MYO9A: variants seen among roughly 807,000 people sequenced by gnomAD.
MYO9A encodes unconventional myosin-IXa.
In MYO9A, 103 loss-of-function variants were observed where a neutral mutation model predicts 293.3. That is an observed-to-expected ratio of 0.35 (90% confidence interval 0.30 to 0.41). The LOEUF is 0.41. Ranked by LOEUF, MYO9A falls within the 10% of genes least tolerant of loss-of-function variation. The pLI is 1.00. For synonymous variants in MYO9A, 1,001 were observed against 1,035.7 expected (o/e 0.97, Z 0.64); for missense variants, 2,685 against 3,033.0 (o/e 0.89, Z 2.69).
chr15:71,874,384 A>G (rs2056615774), intron 32 of MYO9A, among the ~76,000 whole-genome samples: 1 of 152,146 alleles, frequency 6.6e-6, no homozygotes, highest in African/African-American at 2.4e-5. Context: ...GAGGAGGGGA[A>G]GTGGGAAGTG....
Position 71,875,792 on chromosome 15 carries a change from A to G in MYO9A, c.5978T>C (p.Leu1993Ser). 1 of 1,360,634 alleles carries G rather than the reference A, an allele frequency of 7.3e-7. No homozygotes were observed. Among genetic ancestry groups the G allele is most frequent in the Non-Finnish European group, 9.6e-7 (1 of 1,044,092 alleles). The allele number at this position is 1,360,634 out of a possible 1,614,324, so 84.3% of individuals were successfully genotyped here. Residue 1993 changes from leucine to serine, a missense_variant and splice_region_variant, in exon 32 of 42, where the codon TTG (leucine) becomes TCG (serine). Leu to Ser is a moderately radical substitution (Grantham distance 145). Transcript: ENST00000356056. The stretch of plus-strand genomic sequence containing the variant: ...TTTAAAAAACAGATTATAACTTACC[A>G]AATCAGTTTCCTTTTTCCTTCTTTT... ...RKKRRKKETD[L>S]VEEHNGHIFK...
At chr15:71,940,770 A>C (rs1012881191) in intron 15 of MYO9A, among the ~76,000 whole-genome samples, 1 of 152,184 alleles carries the variant, frequency 6.6e-6, no homozygotes, top group Non-Finnish European at 1.5e-5. Flanking sequence ...TCCTAAAATT[A>C]ACATGGAAAT....
chr15:71,943,492 T>C (rs992973315), intron 15 of MYO9A, among the ~76,000 whole-genome samples: 34 of 152,104 alleles, frequency 2.2e-4, no homozygotes, highest in Non-Finnish European at 1.5e-4. Context: ...GGCATTTACT[T>C]GTAACTTGTA....
chr15:71,998,333 T>C (rs2076759919), intron 9 of MYO9A, among the ~76,000 whole-genome samples: 1 of 152,096 alleles, frequency 6.6e-6, no homozygotes, highest in South Asian at 2.1e-4. Context: ...TCAGGAAAAG[T>C]AACTAACGGG....
chr15:71,935,425 C>T lies in MYO9A; in HGVS notation c.2438G>A (p.Ser813Asn), dbSNP rs1448520874. The T allele has an allele frequency of 6.2e-7, 1 of 1,613,746 alleles. No individual in the cohort carries two copies. Among genetic ancestry groups the T allele is most frequent in the East Asian group, 2.2e-5 (1 of 44,856 alleles). ...RTGIRQSRLS[S>N]GTSLLDKDGI... The stretch of plus-strand genomic sequence containing the variant: ...ATCTTTATCAAGCAAGGAGGTGCCA[C>T]TTGATAGTCTGCTCTGGCGAATCCC... Residue 813 changes from serine to asparagine, a missense_variant, in exon 17 of 42, where the codon AGT becomes AAT. By Grantham distance (46) the Ser-to-Asn change is conservative. Around this residue, in one of 10 missense-constraint regions of MYO9A, gnomAD observed 1,434 missense variants for 1,497.7 expected, o/e 0.96. Coordinates refer to ENST00000356056, the MANE Select transcript of MYO9A (RefSeq NM_006901.4).
chr15:72,118,435 G>A (rs923374105), upstream of MYO9A: 1 of 153,432 alleles, frequency 6.5e-6, no homozygotes, highest in Non-Finnish European at 1.5e-5. Context: ...GGTGCCTGAA[G>A]GCTGGTTGGG....
intron 1 of MYO9A, among the ~76,000 whole-genome samples, chr15:72,104,241 T>C (rs1380683527): frequency 6.6e-6 from 1 of 152,206 alleles, no homozygotes; most frequent in South Asian, 2.1e-4. Context: ...TGTCCAACTG[T>C]AGGCTAATGT....
chr15:72,115,988 G>T (rs1217095220), intron 1 of MYO9A, among the ~76,000 whole-genome samples: 1 of 152,258 alleles, frequency 6.6e-6, no homozygotes, highest in South Asian at 2.1e-4. Context: ...GTTAAGAAAT[G>T]ACCTCTAGGA....
At chr15:72,016,298 A>C (rs1176220231) in intron 6 of MYO9A, among the ~76,000 whole-genome samples, 1 of 152,130 alleles carries the variant, frequency 6.6e-6, no homozygotes, top group East Asian at 1.9e-4. Context: ...AAAATCTTAT[A>C]AATAACAGGG....
At chr15:71,893,502 T>A (rs1416149980) in intron 26 of MYO9A, 177 bp downstream of exon 26, 1 of 620,434 alleles carries the variant, frequency 1.6e-6, no homozygotes, top group Non-Finnish European at 2.7e-6. Flanking sequence ...TTAGGCACCA[T>A]TCCCTGCCTG....
At chr15:72,074,145 G>A (rs1353377325) in intron 1 of MYO9A, among the ~76,000 whole-genome samples, 2 of 152,234 alleles carry the variant, frequency 1.3e-5, no homozygotes, top group Admixed American at 6.5e-5. Context: ...AGGTATTAAT[G>A]TGTGATAATA....
At position 71,826,848 on chromosome 15, in the gene MYO9A, T is replaced by C. The variant is rs763875201; in HGVS notation, c.7379A>G (p.Tyr2460Cys). Residue 2460 changes from tyrosine (Y) to cysteine (C), a missense_variant, in exon 42 of 42, where the codon TAC (tyrosine) becomes TGC (cysteine). Physicochemically the swap from Tyr to Cys is radical, Grantham distance 194. Coordinates refer to ENST00000356056, the MANE Select transcript of MYO9A (RefSeq NM_006901.4). ...LFQIYSKSPFYRAASGNEALG... is the reference protein window; with the variant it reads ...LFQIYSKSPFCRAASGNEALG... Reference sequence around the variant, plus strand: ...GGCCTCATTACCTGAGGCAGCTCGGTAGAATGGAGATTTGGAATAAATCTG... The same window carrying C: ...GGCCTCATTACCTGAGGCAGCTCGGCAGAATGGAGATTTGGAATAAATCTG... 18 of 1,614,076 alleles carry C rather than the reference T, an allele frequency of 1.1e-5. No homozygotes were observed. The highest frequency in any genetic ancestry group is 1.4e-5 in the Non-Finnish European group (17 of 1,179,984).
chr15:72,019,805 G>A (rs527555692), intron 5 of MYO9A, among the ~76,000 whole-genome samples: 10 of 152,006 alleles, frequency 6.6e-5, no homozygotes, highest in South Asian at 2.1e-4. Context: ...GCTGGAGTGC[G>A]GTGGCACAAT....
In MYO9A at chr15:72,010,481, A is replaced by T. The variant is rs974300645; in HGVS notation, c.1156-34T>A. The T allele has an allele frequency of 2.6e-6, 4 of 1,550,456 alleles. No homozygotes were observed. The African/African-American group carries it at 5.5e-5, about 21-fold the overall frequency. ...TTAAAATAAAAGTTTAAAAATCAAGATTATATATTTTAAAATAATGTGGGC... is the reference window on the plus strand; with the variant it reads ...TTAAAATAAAAGTTTAAAAATCAAGTTTATATATTTTAAAATAATGTGGGC... On this transcript the variant is annotated intron_variant, in intron 6 of 41. Coordinates refer to ENST00000356056, the MANE Select transcript of MYO9A (RefSeq NM_006901.4).
intron 12 of MYO9A, among the ~76,000 whole-genome samples, chr15:71,969,890 C>T (rs997384677): frequency 2.0e-5 from 3 of 152,072 alleles, no homozygotes; most frequent in Non-Finnish European, 4.4e-5. Context: ...TCCTCAAACA[C>T]TATCTGGAAG....
chr15:71,854,500 C>A lies in MYO9A; in HGVS notation c.6223G>T (p.Val2075Phe), dbSNP rs369446662. Residue 2075 changes from valine to phenylalanine, a missense_variant, in exon 35 of 42, where the codon GTT becomes TTT. Val to Phe is a conservative substitution (Grantham distance 50). Transcript: ENST00000356056. ...ATGAGCTTTTCCACTACTAAAGGAA[C>A]AGTTCGGTCTTCACTGGTCAAACGG... ...LSRLTSEDRT[V>F]PLVVEKLINY... 3.7e-6 allele frequency: 6 copies of A among 1,613,636 alleles called. No individual in the cohort carries two copies. The highest frequency in any genetic ancestry group is 5.1e-6 in the Non-Finnish European group (6 of 1,179,738).
intron 19 of MYO9A, among the ~76,000 whole-genome samples, chr15:71,915,250 C>T (rs1394240130): frequency 6.6e-6 from 1 of 151,972 alleles, no homozygotes; most frequent in Non-Finnish European, 1.5e-5. Context: ...AAGGTAAAGA[C>T]AGACTTCCCC....
chr15:71,931,554 T>C (rs975839791), intron 18 of MYO9A, among the ~76,000 whole-genome samples: 2 of 152,186 alleles, frequency 1.3e-5, no homozygotes, highest in African/African-American at 2.4e-5. Context: ...AAATTGATTA[T>C]AACATGTCTT....
chr15:72,075,929 C>T (rs1051791886), intron 1 of MYO9A, among the ~76,000 whole-genome samples: 1 of 152,074 alleles, frequency 6.6e-6, no homozygotes, highest in Non-Finnish European at 1.5e-5. Context: ...CACTTCTGTT[C>T]AACACTGTAC....
Sources: gnomAD v4.1 joint callset for allele counts (sites outside exome capture counted in the v4.1 genomes callset) on GRCh38, gnomAD v4.1.1 for gene constraint, gnomAD v4.1.1 regional missense constraint, MANE v1.5 for transcripts, NCBI Gene and HGNC (gene_info 2026-07-23, HGNC 2026-07-21) for gene names.